NR3C1: variants seen among roughly 807,000 people sequenced by gnomAD.
NR3C1 encodes the protein nuclear receptor subfamily 3 group C member 1, also known as glucocorticoid receptor.
NR3C1 carries 14 observed loss-of-function variants against 74.0 expected under a neutral mutation model. The observed-to-expected ratio is 0.19, with a 90% CI of 0.12 to 0.30. The LOEUF is 0.30. NR3C1 is among the 10% of genes least tolerant of loss of function. The pLI, the probability that NR3C1 is intolerant of heterozygous loss-of-function variation, is 1.00. For missense variants in NR3C1, 695 were observed against 909.8 expected, an observed-to-expected ratio of 0.76 and a Z score of 3.04; for synonymous variants, 308 against 332.5, an observed-to-expected ratio of 0.93 and a Z score of 0.80.
chr5:143,407,258 T>C (rs1368480834), upstream of NR3C1: 1 of 152,210 alleles, frequency 6.6e-6, no homozygotes, highest in Non-Finnish European at 1.5e-5. Context: ...AGTCAACTAG[T>C]TAACTAGATG....
chr5:143,391,113 CA>C (rs1446226690), intron 2 of NR3C1, among the ~76,000 whole-genome samples: 1 of 152,112 alleles, frequency 6.6e-6, no homozygotes, highest in African/African-American at 2.4e-5. Context: ...TTCCAGATGA[CA>C]AATTTCACAT....
At chr5:143,378,805 G>A (rs368439351) in intron 2 of NR3C1, among the ~76,000 whole-genome samples, 53 of 152,158 alleles carry the variant, frequency 3.5e-4, no homozygotes, top group South Asian at 1.5e-3. Context: ...TTTTTTAAAA[G>A]CAGTCATCTT....
chr5:143,391,330 A>G (rs1304032214), intron 2 of NR3C1, among the ~76,000 whole-genome samples: 1 of 152,194 alleles, frequency 6.6e-6, no homozygotes, highest in Non-Finnish European at 1.5e-5. Flanking sequence ...AAGTCAGTGC[A>G]GTCAAGTTTC....
intron 2 of NR3C1, among the ~76,000 whole-genome samples, chr5:143,398,272 T>C (rs1288853560): frequency 1.3e-5 from 2 of 151,834 alleles, no homozygotes; most frequent in African/African-American, 2.4e-5. Flanking sequence ...GTTGAAGTAG[T>C]GTTCTTCTAA....
At chr5:143,349,231 C>G (rs1009980577) in intron 2 of NR3C1, among the ~76,000 whole-genome samples, 1 of 152,156 alleles carries the variant, frequency 6.6e-6, no homozygotes, top group Non-Finnish European at 1.5e-5. Flanking sequence ...CCTTACAACA[C>G]TATCTGATGA....
chr5:143,299,343 T>TA (rs374503509), intron 5 of NR3C1, among the ~76,000 whole-genome samples: 1,342 of 127,296 alleles, frequency 0.011, 15 homozygotes, highest in African/African-American at 0.024. Context: ...GCTTTTAATG[T>TA]AAAAAAAAAA....
At chr5:143,303,632 C>A (rs1474942619) in intron 4 of NR3C1, among the ~76,000 whole-genome samples, 1 of 151,840 alleles carries the variant, frequency 6.6e-6, no homozygotes, top group Non-Finnish European at 1.5e-5. Flanking sequence ...ACAACAACAA[C>A]AACAAAACTA....
intron 1 of NR3C1, among the ~76,000 whole-genome samples, chr5:143,410,454 T>C (rs1421614505): frequency 1.3e-5 from 2 of 152,204 alleles, no homozygotes; most frequent in African/African-American, 2.4e-5. Flanking sequence ...AGGACATTTG[T>C]CACCATTGAA....
At chr5:143,426,079 G>A (rs556783728) in intron 1 of NR3C1, among the ~76,000 whole-genome samples, 4 of 151,712 alleles carry the variant, frequency 2.6e-5, no homozygotes, top group African/African-American at 9.7e-5. Flanking sequence ...ATAACATGGA[G>A]AAACCTTTAA....
intron 2 of NR3C1, among the ~76,000 whole-genome samples, chr5:143,395,129 C>A (rs942622744): frequency 6.6e-6 from 1 of 151,940 alleles, no homozygotes; most frequent in African/African-American, 2.4e-5. Flanking sequence ...ACAAGTCACA[C>A]CCTAATCTAG....
Position 143,355,648 on chromosome 5 carries a change from A to G in NR3C1, c.1185-41480T>C, listed in dbSNP as rs1831005733. Among the ~76,000 whole-genome samples, 2 of 152,208 alleles carry G rather than the reference A, an allele frequency of 1.3e-5. 1 individual carries two copies. The highest frequency in any genetic ancestry group is 4.1e-4 in the South Asian group (2 of 4,830). On this transcript the variant is annotated intron_variant, in intron 2 of 8. Transcript: ENST00000394464. ...ATGTGATCCTAAATAAATCAACATAAGGAGCAAGCCAATTTGAGAAATTCC... is the reference window on the plus strand; with the variant it reads ...ATGTGATCCTAAATAAATCAACATAGGGAGCAAGCCAATTTGAGAAATTCC...
intron 4 of NR3C1, 39 bp downstream of exon 4, chr5:143,310,058 C>G: frequency 7.0e-7 from 1 of 1,430,718 alleles, no homozygotes. Flanking sequence ...TTTTTATAAG[C>G]TACAGAGACA....
chr5:143,357,069 G>C (rs1209686876), intron 2 of NR3C1, among the ~76,000 whole-genome samples: 1 of 152,178 alleles, frequency 6.6e-6, no homozygotes, highest in Non-Finnish European at 1.5e-5. Context: ...GGCAGCAGTG[G>C]TACTTCCTCA....
chr5:143,356,921 T>G (rs1831254614), intron 2 of NR3C1, among the ~76,000 whole-genome samples: 1 of 152,232 alleles, frequency 6.6e-6, no homozygotes, highest in African/African-American at 2.4e-5. Flanking sequence ...GTGCAAGATT[T>G]AAGTTAGACT....
intron 2 of NR3C1, among the ~76,000 whole-genome samples, chr5:143,349,201 T>G (rs565539510): frequency 6.6e-6 from 1 of 152,310 alleles, no homozygotes; most frequent in South Asian, 2.1e-4. Flanking sequence ...AAATGCAGGT[T>G]TCCCCAAGGA....
chr5:143,434,797 C>T, exon 1 of NR3C1: 2 of 985,404 alleles, frequency 2.0e-6, no homozygotes, highest in Non-Finnish European at 2.4e-6. Context: ...CTGAGAGCAC[C>T]AGAATGAAAT....
intron 2 of NR3C1, among the ~76,000 whole-genome samples, chr5:143,372,987 A>C (rs1402402470): frequency 6.6e-6 from 1 of 152,218 alleles, no homozygotes; most frequent in African/African-American, 2.4e-5. Flanking sequence ...AAACAAAAAC[A>C]AAAAACTGCC....
At chr5:143,323,195 G>T (rs1823746544) in intron 2 of NR3C1, among the ~76,000 whole-genome samples, 1 of 152,196 alleles carries the variant, frequency 6.6e-6, no homozygotes, top group Non-Finnish European at 1.5e-5. Flanking sequence ...TCCCTTACTA[G>T]CCATCTGTAT....
chr5:143,372,682 T>G (rs1412592298), intron 2 of NR3C1, among the ~76,000 whole-genome samples: 45 of 152,162 alleles, frequency 3.0e-4, no homozygotes, highest in Non-Finnish European at 4.4e-5. Context: ...CATAAGCCCT[T>G]AAACCTTGTT....
Sources: allele counts gnomAD v4.1 joint callset (sites outside exome capture counted in the v4.1 genomes callset), GRCh38; gene constraint gnomAD v4.1.1; transcripts MANE v1.5; gene names NCBI Gene and HGNC (gene_info 2026-07-23, HGNC 2026-07-21).